HMCN1: variants seen among roughly 807,000 people sequenced by gnomAD.
HMCN1 encodes hemicentin 1.
HMCN1 carries 321 observed loss-of-function variants against 625.9 expected under a neutral mutation model. The observed-to-expected ratio is 0.51, with a 90% confidence interval of 0.47 to 0.56. HMCN1 has a LOEUF of 0.56. Among genes scored for constraint, HMCN1 ranks in the 20% least tolerant of loss-of-function variants. HMCN1 has a pLI of 0.00. For missense variants in HMCN1, 6,588 were observed against 6,887.3 expected (o/e 0.96, Z 1.54); for synonymous variants, 2,425 against 2,417.6 (o/e 1.00, Z -0.09).
chr1:186,114,415 G>A (rs1032295986), intron 73 of HMCN1, among the ~76,000 whole-genome samples: 2 of 151,914 alleles, frequency 1.3e-5, no homozygotes, highest in African/African-American at 2.4e-5. Context: ...ACGCCAGCAC[G>A]CCCAGCTAAT....
At chr1:185,865,617 A>G in intron 3 of HMCN1, 124 bp from the exon 4 acceptor site, 1 of 732,274 alleles carries the variant, frequency 1.4e-6, no homozygotes, top group Non-Finnish European at 2.3e-6. Context: ...ACACACACAC[A>G]CACACACACA....
chr1:185,822,741 T>A (rs1660267585), intron 1 of HMCN1, among the ~76,000 whole-genome samples: 1 of 152,182 alleles, frequency 6.6e-6, no homozygotes, highest in Non-Finnish European at 1.5e-5. Context: ...TAAGTAGTTT[T>A]GCTGAGAATA....
intron 3 of HMCN1, among the ~76,000 whole-genome samples, chr1:185,865,526 T>A (rs1663121596): frequency 1.3e-5 from 2 of 151,654 alleles, no homozygotes; most frequent in African/African-American, 2.4e-5. Flanking sequence ...TAAATCACCA[T>A]GTTCCTATCT....
chr1:186,157,593 C>T (rs1421122260), intron 97 of HMCN1, among the ~76,000 whole-genome samples: 2 of 152,072 alleles, frequency 1.3e-5, no homozygotes, highest in Non-Finnish European at 2.9e-5. Context: ...CCACTAACTC[C>T]CCCCACCCCA....
intron 36 of HMCN1, among the ~76,000 whole-genome samples, chr1:186,034,842 T>G (rs2208085): frequency 0.62 from 93,958 of 151,982 alleles, 29,924 homozygotes; most frequent in African/African-American, 0.78. Flanking sequence ...CCAACATTTT[T>G]GTTTCTTTAG....
chr1:186,060,145 T>G (rs999134535), intron 46 of HMCN1, among the ~76,000 whole-genome samples: 1 of 152,110 alleles, frequency 6.6e-6, no homozygotes, highest in South Asian at 2.1e-4. Context: ...AATAAGATAC[T>G]ACTAAGTTCA....
At chr1:185,769,213 T>G (rs1304156335) in intron 1 of HMCN1, among the ~76,000 whole-genome samples, 1 of 152,002 alleles carries the variant, frequency 6.6e-6, no homozygotes, top group Non-Finnish European at 1.5e-5. Flanking sequence ...TTCGGAAGGC[T>G]GAGGTGAGAG....
chr1:186,070,001 G>A (rs1400434101), intron 51 of HMCN1, among the ~76,000 whole-genome samples: 1 of 152,188 alleles, frequency 6.6e-6, no homozygotes, highest in East Asian at 1.9e-4. Context: ...CTCTGTTGGA[G>A]ACTTTGTCAG....
In HMCN1 at chr1:186,104,155, T is replaced by C. The variant is rs188342903; in HGVS notation, c.10770+487T>C. 8.9e-4 allele frequency among the ~76,000 whole-genome samples: 136 copies of C among 152,308 alleles called. 1 individual carries two copies. Among genetic ancestry groups the C allele is most frequent in the East Asian group, 1.9e-3 (10 of 5,190 alleles). On this transcript the variant is annotated intron_variant, in intron 69 of 106. Coordinates refer to ENST00000271588, the MANE Select transcript of HMCN1 (RefSeq NM_031935.3). ...AAAACTGATCTGAAATGTGAATATATTAAAAGAGAAGTATGTCTGGGATGT... is the reference window on the plus strand; with the variant it reads ...AAAACTGATCTGAAATGTGAATATACTAAAAGAGAAGTATGTCTGGGATGT...
intron 1 of HMCN1, among the ~76,000 whole-genome samples, chr1:185,792,976 A>C (rs188520417): frequency 6.6e-6 from 1 of 152,240 alleles, no homozygotes; most frequent in Admixed American, 6.5e-5. Context: ...AGAATAAACT[A>C]TCTAGTGTAT....
At chr1:185,907,529 A>T (rs536730464) in intron 4 of HMCN1, among the ~76,000 whole-genome samples, 5 of 151,682 alleles carry the variant, frequency 3.3e-5, no homozygotes, top group Non-Finnish European at 5.9e-5. Context: ...AGATGTAGTC[A>T]CTCATGTTCT....
chr1:186,062,381 GCAAT>G (rs1657762328), intron 47 of HMCN1, 129 bp from the exon 48 acceptor site: 1 of 685,890 alleles, frequency 1.5e-6, no homozygotes, highest in South Asian at 1.6e-5. Flanking sequence ...TGACATTCTA[GCAAT>G]CAAATAATGA....
intron 1 of HMCN1, among the ~76,000 whole-genome samples, chr1:185,806,278 A>C (rs1003467746): frequency 2.0e-5 from 3 of 152,046 alleles, no homozygotes; most frequent in Non-Finnish European, 4.4e-5. Flanking sequence ...GCACACTCAG[A>C]CTCTGGAGCC....
At chr1:185,817,728 G>T (rs1236095987) in intron 1 of HMCN1, among the ~76,000 whole-genome samples, 1 of 152,138 alleles carries the variant, frequency 6.6e-6, no homozygotes, top group Non-Finnish European at 1.5e-5. Context: ...TTTATTAAAA[G>T]TGGTGCAAGA....
chr1:185,781,498 T>C (rs1657103260), intron 1 of HMCN1, among the ~76,000 whole-genome samples: 1 of 152,204 alleles, frequency 6.6e-6, no homozygotes, highest in African/African-American at 2.4e-5. Flanking sequence ...GGTACGAATT[T>C]CCCTCTACAC....
intron 15 of HMCN1, among the ~76,000 whole-genome samples, chr1:185,975,928 T>A (rs779019252): frequency 1.1e-4 from 16 of 152,118 alleles, no homozygotes; most frequent in Admixed American, 3.9e-4. Context: ...ACTGTGTTAT[T>A]ACTGAAGTGT....
chr1:185,901,061 C>A (rs948782620), intron 4 of HMCN1, among the ~76,000 whole-genome samples: 9 of 151,834 alleles, frequency 5.9e-5, no homozygotes, highest in Admixed American at 6.6e-5. Flanking sequence ...AAAGAAAATT[C>A]TATTAAATGT....
At chr1:185,905,051 A>G (rs1445596808) in intron 4 of HMCN1, among the ~76,000 whole-genome samples, 1 of 151,880 alleles carries the variant, frequency 6.6e-6, no homozygotes, top group Non-Finnish European at 1.5e-5. Flanking sequence ...AATAAAAATT[A>G]AATACAATGT....
chr1:185,802,730 G>T (rs1248777250), intron 1 of HMCN1, among the ~76,000 whole-genome samples: 1 of 152,152 alleles, frequency 6.6e-6, no homozygotes, highest in East Asian at 1.9e-4. Flanking sequence ...ACTCAGGATT[G>T]TTTTGGTGAT....
Sources: gnomAD v4.1 joint callset for allele counts (sites outside exome capture counted in the v4.1 genomes callset) on GRCh38, gnomAD v4.1.1 for gene constraint, MANE v1.5 for transcripts, NCBI Gene and HGNC (gene_info 2026-07-23, HGNC 2026-07-21) for gene names.